Variants in CANX observed in about 807,000 individuals in gnomAD.
CANX encodes the protein epididymis secretory sperm binding protein.
Under a neutral mutation model 75.7 loss-of-function variants are expected in CANX, and 14 were observed. That is an observed-to-expected ratio of 0.19 (90% CI 0.12 to 0.29). The LOEUF is 0.29. Ranked by LOEUF, CANX falls within the 10% of genes least tolerant of loss-of-function variation. The pLI is 1.00. For synonymous variants in CANX, 227 were observed against 236.9 expected, an observed-to-expected ratio of 0.96 and a Z score of 0.38; for missense variants, 567 against 713.2, an observed-to-expected ratio of 0.79 and a Z score of 2.34.
chr5:179,683,589 A>AG (rs894631399), intron 1 of CANX, among the ~76,000 whole-genome samples: 29 of 151,754 alleles, frequency 1.9e-4, no homozygotes, highest in African/African-American at 6.3e-4. Flanking sequence ...ACTGGAGTGC[A>AG]GTGGTATGAT....
chr5:179,691,017 A>C (rs1173769633), intron 1 of CANX, among the ~76,000 whole-genome samples: 1 of 151,910 alleles, frequency 6.6e-6, no homozygotes, highest in East Asian at 1.9e-4. Context: ...ATAGACATTG[A>C]TATATTATTT....
At chr5:179,726,811 T>A in intron 14 of CANX, 52 bp downstream of exon 14, 1 of 1,320,962 alleles carries the variant, frequency 7.6e-7, no homozygotes. Flanking sequence ...GGTACATTTA[T>A]GTAAAGGGAA....
chr5:179,720,815 G>A (rs182296952), intron 10 of CANX, among the ~76,000 whole-genome samples: 2 of 151,588 alleles, frequency 1.3e-5, no homozygotes, highest in Admixed American at 6.6e-5. Context: ...ATGGAGTTTC[G>A]CTCTTCTACC....
chr5:179,724,041 T>C (rs1007011675), intron 12 of CANX, among the ~76,000 whole-genome samples: 1 of 151,996 alleles, frequency 6.6e-6, no homozygotes, highest in African/African-American at 2.4e-5. Context: ...GCAGCAACTT[T>C]CTAAAAAAAA....
intron 1 of CANX, among the ~76,000 whole-genome samples, chr5:179,685,965 ACAGGCGTGAGT>A (rs1349736545): frequency 6.6e-6 from 1 of 152,186 alleles, no homozygotes; most frequent in African/African-American, 2.4e-5. Flanking sequence ...TGCTGGGATT[ACAGGCGTGAGT>A]CATCGTGCCC....
chr5:179,686,588 A>G (rs953174787), intron 1 of CANX, among the ~76,000 whole-genome samples: 2 of 151,870 alleles, frequency 1.3e-5, no homozygotes, highest in African/African-American at 2.4e-5. Flanking sequence ...TGATCCTCCC[A>G]TGTAGCTGGG....
At chr5:179,693,621 C>T (rs1326711573), upstream of CANX, among the ~76,000 whole-genome samples, 1 of 151,810 alleles carries the variant, frequency 6.6e-6, no homozygotes. Context: ...TGCAGTGAGC[C>T]GAGATTGTAC....
rs892473830 is a variant in CANX at position 179,730,769 on chromosome 5, T to C, written c.*2125T>C. ...CTTTCAGCTCTTAAAAAGACACTTA[T>C]ATTTTGATTTTACATGCTGGTTACC... is the stretch of plus-strand genomic sequence containing the variant. On this transcript the variant is annotated 3_prime_UTR_variant, in exon 15 of 15. Coordinates refer to ENST00000247461, the MANE Select transcript of CANX (RefSeq NM_001746.4). 14 of 152,252 alleles carry C rather than the reference T, an allele frequency of 9.2e-5. No individual in the cohort carries two copies. Among genetic ancestry groups the C allele is most frequent in the African/African-American group, 2.4e-4 (10 of 41,468 alleles). The allele number at this position is 152,252 out of a possible 1,614,324, so 9.4% of individuals were successfully genotyped here.
At chr5:179,700,989 T>G (rs774428285) in intron 1 of CANX, 7 of 151,890 alleles carry the variant, frequency 4.6e-5, no homozygotes, top group Non-Finnish European at 8.8e-5. Flanking sequence ...CAGCCTCCCT[T>G]GTAGCTGGGA....
chr5:179,683,427 C>A (rs896455862), intron 1 of CANX, among the ~76,000 whole-genome samples: 2 of 152,034 alleles, frequency 1.3e-5, no homozygotes, highest in Non-Finnish European at 2.9e-5. Flanking sequence ...GCCACCGCGC[C>A]CGGCCAACTA....
chr5:179,726,855 C>A, intron 14 of CANX, 96 bp downstream of exon 14: 2 of 882,192 alleles, frequency 2.3e-6, no homozygotes, highest in South Asian at 1.6e-5. Flanking sequence ...TGGCTTATGG[C>A]AGTAAAAATT....
At chr5:179,687,876 A>G (rs529280047) in intron 1 of CANX, among the ~76,000 whole-genome samples, 1 of 151,916 alleles carries the variant, frequency 6.6e-6, no homozygotes, top group African/African-American at 2.4e-5. Context: ...TCTACTAAAA[A>G]TACAAAAAAT....
chr5:179,714,991 C>T (rs1227528317), intron 7 of CANX, among the ~76,000 whole-genome samples: 2 of 151,954 alleles, frequency 1.3e-5, no homozygotes, highest in East Asian at 3.9e-4. Context: ...TCTCGAACTC[C>T]TGGCCTCAAG....
At position 179,719,716 on chromosome 5, in the gene CANX, C is replaced by T. The variant is rs758071299; in HGVS notation, c.960C>T (p.Pro320=). The change falls in exon 9 of 15, where the codon CCC becomes CCT. Residue 320 remains proline, a synonymous_variant. Transcript: ENST00000247461. ...TTCCAGATGAAGAGGCCACAAAACCCGAAGGCTGGTTAGATGATGAGCCTG... is the reference window on the plus strand; with the variant it reads ...TTCCAGATGAAGAGGCCACAAAACCTGAAGGCTGGTTAGATGATGAGCCTG... ...AKIPDEEATK[P]EGWLDDEPEY... is the part of the protein sequence containing the mutation. 41 of 1,613,064 alleles carry T rather than the reference C, an allele frequency of 2.5e-5. No individual in the cohort carries two copies. The highest frequency in any genetic ancestry group is 2.5e-4 in the Admixed American group (15 of 59,906).
chr5:179,693,894 T>C (rs892986975), upstream of CANX, among the ~76,000 whole-genome samples: 11 of 151,990 alleles, frequency 7.2e-5, no homozygotes, highest in African/African-American at 2.2e-4. Context: ...CATAGTTACA[T>C]ATCTTTTTCT....
At chr5:179,727,078 C>G (rs527422545) in intron 14 of CANX, among the ~76,000 whole-genome samples, 2 of 152,328 alleles carry the variant, frequency 1.3e-5, no homozygotes, top group South Asian at 2.1e-4. Flanking sequence ...TCACTGTGCC[C>G]TGAAAAGTAT....
At chr5:179,678,844 GGTCCGCGAGAGCAGCGGCGACCGC>G (rs1562423942) in intron 1 of CANX, 1 of 1,536,854 alleles carries the variant, frequency 6.5e-7, no homozygotes, top group Admixed American at 2.0e-5. Context: ...AGCCCCAGGC[GGTCCGCGAGAGCAGCGGCGACCGC>G]GTCCTCGCCA....
rs573455338 is a variant in CANX, at chr5:179,706,182, C to A, written c.172-76C>A. ...ATTTTTGTGACAGTTGAAAGCAAAC[C>A]AGGAGAATAGATTCTAGATAAAAAG... On this transcript the variant is annotated intron_variant, in intron 2 of 14. Coordinates refer to ENST00000247461, the MANE Select transcript of CANX (RefSeq NM_001746.4). 198 of 861,242 alleles carry A rather than the reference C, an allele frequency of 2.3e-4. No homozygotes were observed. In the African/African-American group the frequency reaches 3.2e-3, roughly 14 times the overall value. 53.4% of individuals were successfully genotyped at this position (861,242 alleles called of 1,614,324 possible).
rs896870406 is a variant in CANX at position 179,730,199 on chromosome 5, T to C, written c.*1555T>C. The C allele has an allele frequency of 6.6e-6, 1 of 152,656 alleles. No individual in the cohort carries two copies. Among genetic ancestry groups the C allele is most frequent in the Non-Finnish European group, 1.5e-5 (1 of 68,036 alleles). 9.5% of individuals were successfully genotyped at this position (152,656 alleles called of 1,614,324 possible). On this transcript the variant is annotated 3_prime_UTR_variant, in exon 15 of 15. Transcript: ENST00000247461. ...ATGATACTGTTTCTTGCACTGAATA[T>C]ATAAACACTCCACAGTGTTTATATT...
Sources: gnomAD v4.1 joint callset for allele counts (sites outside exome capture counted in the v4.1 genomes callset) on GRCh38, gnomAD v4.1.1 for gene constraint, MANE v1.5 for transcripts, NCBI Gene and HGNC (gene_info 2026-07-23, HGNC 2026-07-21) for gene names.